Variants in DGLUCY observed in about 807,000 individuals in gnomAD.
DGLUCY encodes the protein D-glutamate cyclase, mitochondrial.
A neutral mutation model predicts 58.5 loss-of-function variants in DGLUCY; 58 were observed. The observed-to-expected ratio is 0.99, with a 90% CI of 0.80 to 1.23. The LOEUF (loss-of-function observed/expected upper bound fraction) is 1.23, where lower values mean the gene tolerates loss of function less well. Ranked by LOEUF, DGLUCY falls within the 50% of genes most tolerant of loss-of-function variation. The pLI is 0.00. For missense variants in DGLUCY, 779 were observed against 784.7 expected, an observed-to-expected ratio of 0.99 and a Z score of 0.09; for synonymous variants, 325 against 314.1, an observed-to-expected ratio of 1.03 and a Z score of -0.37.
intron 13 of DGLUCY, among the ~76,000 whole-genome samples, chr14:91,218,042 C>T (rs1371922959): frequency 6.6e-6 from 1 of 152,194 alleles, no homozygotes; most frequent in African/African-American, 2.4e-5. Flanking sequence ...GTCTCTGTGA[C>T]TCCATTCTCT....
intron 1 of DGLUCY, among the ~76,000 whole-genome samples, chr14:91,137,915 A>T (rs565909989): frequency 6.6e-6 from 1 of 152,062 alleles, no homozygotes; most frequent in Non-Finnish European, 1.5e-5. Context: ...GAGCCCCCCA[A>T]TGTCCTTCAG....
At chr14:91,199,943 C>A (rs2050452218) in intron 11 of DGLUCY, 38 bp downstream of exon 11, 1 of 1,611,240 alleles carries the variant, frequency 6.2e-7, no homozygotes, top group African/African-American at 1.3e-5. Flanking sequence ...AAGAACGTGG[C>A]CCCATGAAGT....
At chr14:91,157,222 G>A (rs932613140) in intron 1 of DGLUCY, among the ~76,000 whole-genome samples, 26 of 143,942 alleles carry the variant, frequency 1.8e-4, no homozygotes, top group African/African-American at 7.1e-4. Flanking sequence ...TGGGTGGATG[G>A]ATGGATGGGT....
In DGLUCY at chr14:91,079,028, C is replaced by T. The variant is rs977858785; in HGVS notation, c.-82+18324C>T. The stretch of plus-strand genomic sequence containing the variant: ...AAGCGATTCTCCTGCCTCAGCCTCC[C>T]GAGTAGCTGGAACTACAGGCACCCG... On this transcript the variant is annotated intron_variant, in intron 1 of 4. Transcript: ENST00000521334. Among the ~76,000 whole-genome samples, 15 of 151,958 alleles carry T rather than the reference C, an allele frequency of 9.9e-5. No homozygotes were observed. In the East Asian group the frequency reaches 1.7e-3, roughly 18 times the overall value.
chr14:91,223,371 T>A (rs1887782215), intron 13 of DGLUCY, among the ~76,000 whole-genome samples: 1 of 152,202 alleles, frequency 6.6e-6, no homozygotes, highest in Non-Finnish European at 1.5e-5. Flanking sequence ...GGAGAGAGCC[T>A]TCTTATAGCC....
chr14:91,189,502 G>C (rs1418154917), intron 9 of DGLUCY, among the ~76,000 whole-genome samples: 1 of 152,210 alleles, frequency 6.6e-6, no homozygotes, highest in East Asian at 1.9e-4. Context: ...TGGACCACCA[G>C]AGCTGGGGAG....
intron 5 of DGLUCY, among the ~76,000 whole-genome samples, chr14:91,170,471 T>G (rs1400129105): frequency 6.6e-6 from 1 of 152,174 alleles, no homozygotes; most frequent in Non-Finnish European, 1.5e-5. Context: ...TTGGGATTTC[T>G]CTGGCTCCTT....
chr14:91,179,266 T>C (rs1191663808), intron 7 of DGLUCY, among the ~76,000 whole-genome samples: 1 of 152,024 alleles, frequency 6.6e-6, no homozygotes, highest in Non-Finnish European at 1.5e-5. Context: ...GAGCTAGGCA[T>C]AAGGAACTAA....
chr14:91,154,464 A>G (rs1267613480), intron 1 of DGLUCY, among the ~76,000 whole-genome samples: 1 of 152,176 alleles, frequency 6.6e-6, no homozygotes, highest in Non-Finnish European at 1.5e-5. Flanking sequence ...ACCCATGAAA[A>G]TAAGCTGTCA....
chr14:91,179,023 CA>C (rs960292447), intron 7 of DGLUCY, among the ~76,000 whole-genome samples: 2 of 144,982 alleles, frequency 1.4e-5, no homozygotes. Context: ...GACTCTGTCT[CA>C]AAAAAAAAAG....
intron 1 of DGLUCY, chr14:91,114,933 CAG>C (rs2044822930): frequency 6.6e-6 from 1 of 152,336 alleles, no homozygotes; most frequent in Non-Finnish European, 1.5e-5. Flanking sequence ...CAACATGGCA[CAG>C]GGGACTGCAG....
At chr14:91,224,012 A>G (rs1449370509) in intron 13 of DGLUCY, among the ~76,000 whole-genome samples, 1 of 152,096 alleles carries the variant, frequency 6.6e-6, no homozygotes, top group Non-Finnish European at 1.5e-5. Flanking sequence ...TGACTCTGCT[A>G]CACCTAGATG....
intron 12 of DGLUCY, among the ~76,000 whole-genome samples, chr14:91,205,751 A>AGTCTC (rs1884463052): frequency 1.1e-5 from 1 of 87,972 alleles, no homozygotes; most frequent in African/African-American, 4.5e-5. Context: ...AGGCCAGGGC[A>AGTCTC]TTCTCTTCTT....
chr14:91,075,447 G>A (rs1281560170), intron 1 of DGLUCY, among the ~76,000 whole-genome samples: 1 of 152,070 alleles, frequency 6.6e-6, no homozygotes, highest in African/African-American at 2.4e-5. Context: ...CCTACCTAGA[G>A]TCATGTTTTT....
chr14:91,163,570 A>G (rs1026807977), intron 3 of DGLUCY, among the ~76,000 whole-genome samples: 1 of 152,086 alleles, frequency 6.6e-6, no homozygotes, highest in African/African-American at 2.4e-5. Context: ...TTCCCAGCGG[A>G]TGGTTGCATC....
intron 13 of DGLUCY, 157 bp downstream of exon 13, chr14:91,215,713 G>A (rs746387747): frequency 6.5e-7 from 1 of 1,536,236 alleles, no homozygotes; most frequent in Non-Finnish European, 8.7e-7. Flanking sequence ...CCTGGATTGG[G>A]TGCCCTTTAA....
chr14:91,106,837 C>T (rs1312331021), upstream of DGLUCY, among the ~76,000 whole-genome samples: 2 of 152,166 alleles, frequency 1.3e-5, no homozygotes. Context: ...GTCTGCTTCC[C>T]TCTCTGTTTA....
chr14:91,104,974 T>C (rs2044564274), upstream of DGLUCY, among the ~76,000 whole-genome samples: 1 of 152,238 alleles, frequency 6.6e-6, no homozygotes, highest in Admixed American at 6.5e-5. Context: ...ACGCAGAGTT[T>C]AATTCATATT....
At chr14:91,182,544 C>T (rs778077106) in intron 8 of DGLUCY, among the ~76,000 whole-genome samples, 16 of 152,198 alleles carry the variant, frequency 1.1e-4, no homozygotes, top group Admixed American at 3.3e-4. Context: ...GTGATTTTCC[C>T]GCCTCGGCCT....
Sources: allele counts gnomAD v4.1 joint callset (sites outside exome capture counted in the v4.1 genomes callset), GRCh38; gene constraint gnomAD v4.1.1; transcripts MANE v1.5; gene names NCBI Gene and HGNC (gene_info 2026-07-23, HGNC 2026-07-21).